The following RBBP8 variants were observed in gnomAD, a reference collection of about 807,000 sequenced individuals.
The protein encoded by RBBP8 is RB binding protein 8, endonuclease.
Under a neutral mutation model 108.3 loss-of-function variants are expected in RBBP8, and 88 were observed. The ratio of observed to expected loss-of-function variants is 0.81; its 90% CI spans 0.68 to 0.97. The LOEUF is 0.97. Among genes scored for constraint, RBBP8 ranks in the 50% least tolerant of loss-of-function variants. The pLI is 0.00. For missense variants in RBBP8, 1,023 were observed against 1,049.0 expected, an observed-to-expected ratio of 0.98 and a Z score of 0.34; for synonymous variants, 332 against 348.2, an observed-to-expected ratio of 0.95 and a Z score of 0.52.
chr18:23,008,293 T>C (rs1180526797), intron 16 of RBBP8, among the ~76,000 whole-genome samples: 1 of 152,200 alleles, frequency 6.6e-6, no homozygotes, highest in Non-Finnish European at 1.5e-5. Context: ...GTAAAGTTAC[T>C]CCTTTTATTT....
intron 4 of RBBP8, among the ~76,000 whole-genome samples, chr18:22,964,375 T>G (rs1913382071): frequency 1.3e-5 from 2 of 150,072 alleles, no homozygotes; most frequent in South Asian, 2.1e-4. Flanking sequence ...AGACTTAGGT[T>G]TTTTTTTTTT....
rs1274451583 is a variant in RBBP8 at position 22,957,746 on chromosome 18, T to G, written c.248+8033T>G. 2.0e-5 allele frequency among the ~76,000 whole-genome samples: 3 copies of G among 152,284 alleles called. No homozygotes were observed. In the East Asian group the frequency reaches 5.8e-4, roughly 29 times the overall value. On this transcript the variant is annotated intron_variant, in intron 4 of 18. Transcript: ENST00000327155. ...GAGCTAGCACATTTTCTTGCTTCTA[T>G]TTAAATTTAAACTAGGATCAGCAAT...
chr18:23,012,466 GAC>G (rs1395176918), intron 16 of RBBP8, among the ~76,000 whole-genome samples: 1 of 152,182 alleles, frequency 6.6e-6, no homozygotes, highest in Non-Finnish European at 1.5e-5. Flanking sequence ...AAGTGAAACA[GAC>G]TCACTGCTGA....
In RBBP8 at chr18:22,984,210, A is replaced by C. The variant is rs1456420061; in HGVS notation, c.605-676A>C. Among the ~76,000 whole-genome samples, 5 of 152,138 alleles carry C rather than the reference A, an allele frequency of 3.3e-5. 1 individual carries two copies. The South Asian group carries it at 1.0e-3, about 32-fold the overall frequency. ...TATTACTCTCAAGTTATAAATAGTAAAACCATTTCACTTTACCTTGTCCTT... is the reference window on the plus strand; with the variant it reads ...TATTACTCTCAAGTTATAAATAGTACAACCATTTCACTTTACCTTGTCCTT... On this transcript the variant is annotated intron_variant, in intron 7 of 18. Transcript: ENST00000327155.
intron 2 of RBBP8, 47 bp from the exon 3 acceptor site, chr18:22,946,397 A>G (rs1911563007): frequency 6.2e-7 from 1 of 1,605,124 alleles, no homozygotes; most frequent in African/African-American, 1.3e-5. Flanking sequence ...CATTTGACTC[A>G]TAAAGGAACT....
chr18:22,950,343 G>A (rs1227426036), intron 4 of RBBP8, among the ~76,000 whole-genome samples: 2 of 152,130 alleles, frequency 1.3e-5, no homozygotes, highest in Non-Finnish European at 2.9e-5. Context: ...TCAATACTTT[G>A]GGAGGCTAAG....
At chr18:22,941,515 TTTC>T (rs1911083078) in intron 2 of RBBP8, among the ~76,000 whole-genome samples, 1 of 152,118 alleles carries the variant, frequency 6.6e-6, no homozygotes, top group African/African-American at 2.4e-5. Flanking sequence ...ATTTGACAGA[TTTC>T]TTCTTCCTAT....
chr18:23,022,352 A>G lies in RBBP8; in HGVS notation c.2596+82A>G, dbSNP rs928574641. The G allele has an allele frequency of 5.1e-6, 7 of 1,375,376 alleles. No individual in the cohort carries two copies. The East Asian group carries it at 7.4e-5, about 15-fold the overall frequency. 85.2% of individuals were successfully genotyped at this position (1,375,376 alleles called of 1,614,324 possible). On this transcript the variant is annotated intron_variant, in intron 18 of 18. Transcript: ENST00000327155. The stretch of plus-strand genomic sequence containing the variant: ...ACAGTGGCTCACGCCTATAATCCCA[A>G]CACTTTGAGAGGCCAAGGTGGGTGG...
chr18:22,991,359 G>A (rs1325157899), intron 10 of RBBP8, among the ~76,000 whole-genome samples: 1 of 152,144 alleles, frequency 6.6e-6, no homozygotes, highest in Non-Finnish European at 1.5e-5. Context: ...CCCAAAACTG[G>A]ATGTTCTACA....
upstream of RBBP8, among the ~76,000 whole-genome samples, chr18:22,931,944 A>T (rs1428413296): frequency 3.3e-5 from 5 of 152,180 alleles, no homozygotes; most frequent in African/African-American, 1.2e-4. Context: ...GGTAGCGTGG[A>T]TGTGGAAAGG....
intron 4 of RBBP8, among the ~76,000 whole-genome samples, chr18:22,957,174 T>C (rs557435341): frequency 2.6e-4 from 39 of 152,290 alleles, no homozygotes; most frequent in South Asian, 4.1e-4. Context: ...TTAAACATCA[T>C]ATTATTCAGG....
chr18:22,994,161 T>C (rs185143731), intron 12 of RBBP8, among the ~76,000 whole-genome samples: 1 of 148,554 alleles, frequency 6.7e-6, no homozygotes, highest in South Asian at 2.1e-4. Flanking sequence ...GCTGGGACTA[T>C]AGGCGCCCAC....
chr18:22,927,775 G>C (rs760458951), intron 3 of RBBP8, among the ~76,000 whole-genome samples: 1 of 151,840 alleles, frequency 6.6e-6, no homozygotes, highest in African/African-American at 2.4e-5. Context: ...TGGCTCTGTG[G>C]GATAGTTCTG....
At position 22,949,647 on chromosome 18, in the gene RBBP8, C is replaced by A; in HGVS notation, c.182C>A (p.Thr61Asn). The A allele has an allele frequency of 6.2e-7, 1 of 1,613,100 alleles. No homozygotes were observed. The highest frequency in any genetic ancestry group is 8.5e-7 in the Non-Finnish European group (1 of 1,179,410). The stretch of plus-strand genomic sequence containing the variant: ...GCACAAAGACTAGAAGAATTCTTCA[C>A]CAAAAATCAACAGCTGAGGGAACAG... ...LDAQRLEEFF[T>N]KNQQLREQQK... The change falls in exon 4 of 19, where the codon ACC (threonine) becomes AAC (asparagine). Residue 61 changes from threonine to asparagine, a missense_variant. Physicochemically the swap from Thr to Asn is moderately conservative, Grantham distance 65. Transcript: ENST00000327155.
chr18:22,981,769 C>T (rs1189754540), intron 6 of RBBP8, among the ~76,000 whole-genome samples: 1 of 152,216 alleles, frequency 6.6e-6, no homozygotes, highest in Non-Finnish European at 1.5e-5. Flanking sequence ...GTCCTTCTGT[C>T]CCAATCTTGC....
chr18:22,968,047 C>T (rs1233298236), intron 4 of RBBP8, among the ~76,000 whole-genome samples: 1 of 151,204 alleles, frequency 6.6e-6, no homozygotes, highest in South Asian at 2.1e-4. Context: ...TATTTCTTGA[C>T]CTTTATTCAA....
intron 4 of RBBP8, among the ~76,000 whole-genome samples, chr18:22,967,717 G>C (rs1199902623): frequency 6.7e-6 from 1 of 148,554 alleles, no homozygotes; most frequent in Non-Finnish European, 1.5e-5. Context: ...TGCAATCTCA[G>C]CTCACTGCAA....
intron 16 of RBBP8, among the ~76,000 whole-genome samples, chr18:23,016,449 C>A (rs1380497838): frequency 1.3e-5 from 2 of 152,052 alleles, no homozygotes; most frequent in Non-Finnish European, 2.9e-5. Flanking sequence ...AAGGCTGAGG[C>A]ACAAGAGTCG....
chr18:22,995,572 C>T (rs1028205700), intron 12 of RBBP8, among the ~76,000 whole-genome samples: 3 of 152,162 alleles, frequency 2.0e-5, no homozygotes, highest in Admixed American at 1.3e-4. Flanking sequence ...TCCCCATATA[C>T]CCTCTGCAGT....
Sources: gnomAD v4.1 joint callset for allele counts (sites outside exome capture counted in the v4.1 genomes callset) on GRCh38, gnomAD v4.1.1 for gene constraint, MANE v1.5 for transcripts, NCBI Gene and HGNC (gene_info 2026-07-23, HGNC 2026-07-21) for gene names.